Variants in TBC1D4 observed in about 807,000 individuals in gnomAD.
TBC1D4 encodes TBC (Tre-2, BUB2, CDC16) domain-containing protein.
TBC1D4 carries 121 observed loss-of-function variants against 142.5 expected under a neutral mutation model. That is an observed-to-expected ratio of 0.85 (90% CI 0.73 to 0.99). The LOEUF is 0.99. TBC1D4 is among the 50% of genes least tolerant of loss of function. The pLI, the probability that TBC1D4 is intolerant of heterozygous loss-of-function variation, is 0.00. For synonymous variants in TBC1D4, 630 were observed against 628.2 expected (o/e 1.00, Z -0.04); for missense variants, 1,475 against 1,606.6 (o/e 0.92, Z 1.40).
intron 1 of TBC1D4, among the ~76,000 whole-genome samples, chr13:75,380,647 A>G (rs1883787753): frequency 6.6e-6 from 1 of 151,884 alleles, no homozygotes; most frequent in African/African-American, 2.4e-5. Flanking sequence ...CGTTAACTCT[A>G]CCTACGTTAT....
chr13:75,455,759 A>C (rs558923817), intron 1 of TBC1D4, among the ~76,000 whole-genome samples: 8 of 152,200 alleles, frequency 5.3e-5, no homozygotes, highest in African/African-American at 7.2e-5. Context: ...ATAGTCAAAA[A>C]ACCGAAGAGT....
intron 8 of TBC1D4, among the ~76,000 whole-genome samples, chr13:75,334,581 T>C (rs557247682): frequency 1.3e-5 from 2 of 152,000 alleles, no homozygotes; most frequent in African/African-American, 4.8e-5. Context: ...AGGTGGTTTT[T>C]TGTTTGTTTG....
At chr13:75,387,829 C>T (rs1161266924) in intron 1 of TBC1D4, among the ~76,000 whole-genome samples, 1 of 152,176 alleles carries the variant, frequency 6.6e-6, no homozygotes, top group Non-Finnish European at 1.5e-5. Context: ...CAGCTTACAA[C>T]TTGTATTAGC....
intron 1 of TBC1D4, among the ~76,000 whole-genome samples, chr13:75,387,769 T>C (rs1049529762): frequency 2.0e-5 from 3 of 152,242 alleles, no homozygotes; most frequent in Non-Finnish European, 2.9e-5. Context: ...CATTTTGTTA[T>C]GAGTCACTCT....
Position 75,444,168 on chromosome 13 carries a change from G to A in TBC1D4, c.498+37102C>T, listed in dbSNP as rs9600473. Reference sequence around the variant, plus strand: ...GATAAAGTCTTGTTCTGTTGCGAAAGCGGAGCGCAGTCAGGTGTCATCATA... The same window carrying A: ...GATAAAGTCTTGTTCTGTTGCGAAAACGGAGCGCAGTCAGGTGTCATCATA... On this transcript the variant is annotated intron_variant, in intron 1 of 20. Transcript: ENST00000377636. Among the ~76,000 whole-genome samples the A allele has an allele frequency of 4.2e-3, 647 of 152,270 alleles. 7 individuals are homozygous for A. Among genetic ancestry groups the A allele is most frequent in the African/African-American group, 0.014 (572 of 41,542 alleles).
chr13:75,394,017 T>A (rs1884639486), intron 1 of TBC1D4, among the ~76,000 whole-genome samples: 1 of 152,166 alleles, frequency 6.6e-6, no homozygotes, highest in Non-Finnish European at 1.5e-5. Context: ...AGTCAGTCTA[T>A]CAGAATGATT....
At chr13:75,292,833 A>G (rs887840905) in intron 18 of TBC1D4, among the ~76,000 whole-genome samples, 1 of 152,198 alleles carries the variant, frequency 6.6e-6, no homozygotes. Context: ...CTTTCCTACA[A>G]ATACAAACAT....
intron 1 of TBC1D4, among the ~76,000 whole-genome samples, chr13:75,435,379 G>GTGACATAAT (rs1272553987): frequency 6.7e-6 from 1 of 150,046 alleles, no homozygotes; most frequent in Non-Finnish European, 1.5e-5. Flanking sequence ...TTTGATATAA[G>GTGACATAAT]TGACATAATT....
intron 16 of TBC1D4, among the ~76,000 whole-genome samples, chr13:75,301,244 G>A (rs9593060): frequency 0.48 from 73,448 of 151,854 alleles, 18,308 homozygotes; most frequent in Non-Finnish European, 0.54. Flanking sequence ...TAATAATGTA[G>A]ATATTTTTAA....
intron 1 of TBC1D4, among the ~76,000 whole-genome samples, chr13:75,442,962 C>T (rs560754867): frequency 6.6e-6 from 1 of 152,230 alleles, no homozygotes; most frequent in African/African-American, 2.4e-5. Flanking sequence ...AAGAAAGGCA[C>T]CAGAGGTGAT....
At chr13:75,369,474 G>A (rs577535168) in intron 1 of TBC1D4, among the ~76,000 whole-genome samples, 2 of 149,396 alleles carry the variant, frequency 1.3e-5, no homozygotes, top group East Asian at 4.1e-4. Context: ...TATATAGCCT[G>A]GGTGACAGAG....
chr13:75,287,895 C>T (rs1208741801), intron 20 of TBC1D4, among the ~76,000 whole-genome samples: 1 of 151,976 alleles, frequency 6.6e-6, no homozygotes, highest in South Asian at 2.1e-4. Flanking sequence ...AAGTGGAAAC[C>T]GAGGAGCCAT....
intron 8 of TBC1D4, among the ~76,000 whole-genome samples, chr13:75,336,194 C>A (rs572343137): frequency 1.3e-3 from 202 of 150,526 alleles, no homozygotes; most frequent in African/African-American, 4.6e-3. Context: ...GTCAAGAGAT[C>A]GAGACCATCC....
intron 2 of TBC1D4, 149 bp downstream of exon 2, chr13:75,361,877 C>T (rs1882549763): frequency 3.2e-6 from 3 of 946,886 alleles, no homozygotes; most frequent in Admixed American, 2.2e-5. Flanking sequence ...TGCACTCTTC[C>T]TCCACCTGCC....
At chr13:75,404,317 C>T (rs1885232353) in intron 1 of TBC1D4, among the ~76,000 whole-genome samples, 2 of 152,134 alleles carry the variant, frequency 1.3e-5, no homozygotes, top group African/African-American at 4.8e-5. Context: ...CCTTATAAAT[C>T]ACACCCAGTT....
At chr13:75,424,055 G>A (rs1044113619) in intron 1 of TBC1D4, among the ~76,000 whole-genome samples, 3 of 152,116 alleles carry the variant, frequency 2.0e-5, no homozygotes, top group Non-Finnish European at 4.4e-5. Flanking sequence ...AAGGCACAAG[G>A]AGTGCAAGAC....
chr13:75,388,066 G>A (rs1343660956), intron 1 of TBC1D4, among the ~76,000 whole-genome samples: 1 of 152,096 alleles, frequency 6.6e-6, no homozygotes, highest in Admixed American at 6.6e-5. Flanking sequence ...CCAGCCTTGT[G>A]GCCCCCTTCT....
chr13:75,388,216 ATC>A (rs1357626482), intron 1 of TBC1D4, among the ~76,000 whole-genome samples: 1 of 152,172 alleles, frequency 6.6e-6, no homozygotes, highest in Non-Finnish European at 1.5e-5. Flanking sequence ...TAATCTCTGC[ATC>A]TCGAGGTCCT....
At position 75,481,384 on chromosome 13, in the gene TBC1D4, G is replaced by C. The variant is rs570676397; in HGVS notation, c.384C>G (p.Arg128=). 1 of 1,613,946 alleles carries C rather than the reference G, an allele frequency of 6.2e-7. No homozygotes were observed. The highest frequency in any genetic ancestry group is 8.5e-7 in the Non-Finnish European group (1 of 1,179,852). Residue 128 remains arginine, a synonymous_variant, in exon 1 of 21, where the codon CGC becomes CGG. Transcript: ENST00000377636. ...TGAGGTCGTGGCTGTTGTGGATGAA[G>C]CGCGAGATATGCTGCGCCTTGTGCT... The part of the protein sequence containing the change: ...IFEHKAQHIS[R]FIHNSHDLTY...
Sources: gnomAD v4.1 joint callset for allele counts (sites outside exome capture counted in the v4.1 genomes callset) on GRCh38, gnomAD v4.1.1 for gene constraint, MANE v1.5 for transcripts, NCBI Gene and HGNC (gene_info 2026-07-23, HGNC 2026-07-21) for gene names.